Variants in PRSS23 observed in about 807,000 individuals in gnomAD.
PRSS23 encodes the protein serine protease 23.
Under a neutral mutation model 34.7 loss-of-function variants are expected in PRSS23, and 25 were observed. The observed-to-expected ratio is 0.72, with a 90% CI of 0.53 to 1.01. The LOEUF is 1.01. Among genes scored for constraint, PRSS23 ranks in the 50% least tolerant of loss-of-function variants. The pLI, the probability that PRSS23 is intolerant of heterozygous loss-of-function variation, is 0.00. For synonymous variants in PRSS23, 176 were observed against 186.6 expected (o/e 0.94, Z 0.46); for missense variants, 445 against 475.6 (o/e 0.94, Z 0.60).
chr11:86,900,509 C>T (rs1450004785), intron 2 of PRSS23, among the ~76,000 whole-genome samples: 1 of 152,202 alleles, frequency 6.6e-6, no homozygotes, highest in African/African-American at 2.4e-5. Context: ...TGACTTCCCA[C>T]TGTACTCAGA....
intron 2 of PRSS23, among the ~76,000 whole-genome samples, chr11:86,926,294 C>A (rs1041993926): frequency 6.6e-6 from 1 of 152,058 alleles, no homozygotes; most frequent in African/African-American, 2.4e-5. Flanking sequence ...ACCAGGGAGG[C>A]AGAGGTTACA....
At chr11:86,915,829 T>A (rs918100626) in intron 2 of PRSS23, among the ~76,000 whole-genome samples, 2 of 151,928 alleles carry the variant, frequency 1.3e-5, no homozygotes, top group Admixed American at 1.3e-4. Context: ...GGCAGGTGGA[T>A]CACTTGAGGC....
downstream of PRSS23, among the ~76,000 whole-genome samples, chr11:86,814,661 G>A (rs2093027465): frequency 6.6e-6 from 1 of 152,180 alleles, no homozygotes; most frequent in Admixed American, 6.5e-5. Context: ...GTGTGTCTCT[G>A]TGCACCCACC....
At chr11:86,941,777 G>A (rs938882772) in intron 2 of PRSS23, among the ~76,000 whole-genome samples, 1 of 152,162 alleles carries the variant, frequency 6.6e-6, no homozygotes, top group Non-Finnish European at 1.5e-5. Context: ...ATTTTCTTGG[G>A]GGCTAGTGCC....
chr11:86,888,454 G>T (rs573139160), intron 2 of PRSS23, among the ~76,000 whole-genome samples: 2 of 152,278 alleles, frequency 1.3e-5, no homozygotes, highest in African/African-American at 4.8e-5. Context: ...CTAAATCCAA[G>T]CACTTCACCC....
upstream of PRSS23, among the ~76,000 whole-genome samples, chr11:86,799,816 G>T (rs532291736): frequency 6.6e-6 from 1 of 152,238 alleles, no homozygotes; most frequent in African/African-American, 2.4e-5. Context: ...AGGCCAGTGG[G>T]CTCCCCAGCC....
At chr11:86,901,330 C>A (rs1466225033) in intron 2 of PRSS23, among the ~76,000 whole-genome samples, 1 of 152,104 alleles carries the variant, frequency 6.6e-6, no homozygotes, top group Non-Finnish European at 1.5e-5. Flanking sequence ...CAGCAGAGGG[C>A]ATGATAAATG....
At chr11:86,838,207 C>T (rs949170946) in intron 2 of PRSS23, among the ~76,000 whole-genome samples, 1 of 152,050 alleles carries the variant, frequency 6.6e-6, no homozygotes, top group Non-Finnish European at 1.5e-5. Context: ...CAACAATCAA[C>T]CATCACCAGC....
Position 86,807,780 on chromosome 11 carries a change from T to A in PRSS23, c.137T>A (p.Leu46His). ...RLPVVLPQST[L>H]NLAKPDFGAE... ...CCTGTCGTCTTGCCCCAGTCTACCC[T>A]CAATTTAGCCAAGCCAGACTTTGGA... Residue 46 changes from leucine to histidine, a missense_variant, in exon 2 of 2, where the codon CTC (leucine) becomes CAC (histidine). Coordinates refer to ENST00000280258, the MANE Select transcript of PRSS23 (RefSeq NM_007173.6). 1 of 1,614,122 alleles carries A rather than the reference T, an allele frequency of 6.2e-7. No homozygotes were observed. Among genetic ancestry groups the A allele is most frequent in the Non-Finnish European group, 8.5e-7 (1 of 1,180,012 alleles).
chr11:86,804,316 G>A (rs949462279), intron 1 of PRSS23, among the ~76,000 whole-genome samples: 2 of 152,062 alleles, frequency 1.3e-5, no homozygotes, highest in Admixed American at 6.6e-5. Context: ...AATTTGATGG[G>A]CATTAGTTTC....
chr11:86,871,821 C>T (rs1270664062), intron 2 of PRSS23, among the ~76,000 whole-genome samples: 1 of 152,158 alleles, frequency 6.6e-6, no homozygotes, highest in East Asian at 1.9e-4. Flanking sequence ...GCCAACTATG[C>T]AGAAAGCCAC....
At chr11:86,901,323 C>A (rs1440390509) in intron 2 of PRSS23, among the ~76,000 whole-genome samples, 1 of 152,154 alleles carries the variant, frequency 6.6e-6, no homozygotes, top group East Asian at 1.9e-4. Context: ...CTTGTCCCAG[C>A]AGAGGGCATG....
intron 2 of PRSS23, chr11:86,909,100 C>T (rs1449620349): frequency 1.3e-5 from 2 of 151,940 alleles, no homozygotes; most frequent in African/African-American, 4.8e-5. Context: ...GTAATGTCAG[C>T]TGTCAAGCCC....
At chr11:86,921,197 C>A (rs953048031) in intron 2 of PRSS23, 1 of 152,144 alleles carries the variant, frequency 6.6e-6, no homozygotes, top group African/African-American at 2.4e-5. Flanking sequence ...CTCTGAAATC[C>A]AGTCTTAGCA....
rs962905561 is a variant in PRSS23, at chr11:86,809,513, A to C, written c.*718A>C. The C allele has an allele frequency of 6.0e-6, 1 of 167,090 alleles. No individual in the cohort carries two copies. Among genetic ancestry groups the C allele is most frequent in the Non-Finnish European group, 1.5e-5 (1 of 68,120 alleles). 10.4% of individuals were successfully genotyped at this position (167,090 alleles called of 1,614,324 possible). A position where few individuals can be genotyped will look rare whatever the true frequency, so the allele number is the denominator to read the frequency against. On this transcript the variant is annotated 3_prime_UTR_variant, in exon 2 of 2. Coordinates refer to ENST00000280258, the MANE Select transcript of PRSS23 (RefSeq NM_007173.6). ...GGAAGTCTTTGCATATGGCCCTCCC[A>C]ACTTTAAAGTCATACCAGAGTGGCC...
intron 1 of PRSS23, among the ~76,000 whole-genome samples, chr11:86,819,687 C>T (rs1174140279): frequency 6.6e-6 from 1 of 152,036 alleles, no homozygotes; most frequent in Admixed American, 6.6e-5. Flanking sequence ...ACTACTGTTC[C>T]CCACACTTTT....
intron 2 of PRSS23, among the ~76,000 whole-genome samples, chr11:86,902,241 C>A (rs915272583): frequency 4.6e-5 from 7 of 152,190 alleles, no homozygotes; most frequent in Non-Finnish European, 8.8e-5. Context: ...TTCTCTACAA[C>A]CCCTCCCCTA....
intron 2 of PRSS23, among the ~76,000 whole-genome samples, chr11:86,869,358 C>T (rs1393282247): frequency 6.6e-6 from 1 of 152,160 alleles, no homozygotes; most frequent in African/African-American, 2.4e-5. Context: ...ATTTCATCCA[C>T]ATCTACATTC....
chr11:86,883,416 G>A (rs1485704475), intron 2 of PRSS23, among the ~76,000 whole-genome samples: 1 of 152,182 alleles, frequency 6.6e-6, no homozygotes, highest in African/African-American at 2.4e-5. Flanking sequence ...TTCAGTAAAT[G>A]GTGCTGGAAT....
Sources: allele counts gnomAD v4.1 joint callset (sites outside exome capture counted in the v4.1 genomes callset), GRCh38; gene constraint gnomAD v4.1.1; transcripts MANE v1.5; gene names NCBI Gene and HGNC (gene_info 2026-07-23, HGNC 2026-07-21).